Variants in CYP2F1 observed in about 807,000 individuals in gnomAD.
CYP2F1 encodes cytochrome P450 family 2 subfamily F member 1.
CYP2F1 carries 33 observed loss-of-function variants against 40.4 expected under a neutral mutation model. The ratio of observed to expected loss-of-function variants is 0.82; its 90% CI spans 0.62 to 1.09. The LOEUF (loss-of-function observed/expected upper bound fraction) is 1.09. Ranked by LOEUF, CYP2F1 falls within the 50% of genes least tolerant of loss-of-function variation. The pLI is 0.00. For missense variants in CYP2F1, 566 were observed against 655.7 expected (o/e 0.86, Z 1.49); for synonymous variants, 235 against 277.2 (o/e 0.85, Z 1.51).
rs1286978999 is a variant in CYP2F1 at position 41,120,504 on chromosome 19, A to AT, written c.484+16dup. The stretch of plus-strand genomic sequence containing the variant: ...AGCTGCGGAAAACTGAAGGTCAGGA[A>AT]TTTTTTTTAACAGGCTGGATGGCAC... On this transcript the variant is annotated intron_variant, in intron 4 of 9. Coordinates refer to ENST00000331105, the MANE Select transcript of CYP2F1 (RefSeq NM_000774.5). The AT allele has an allele frequency of 6.2e-6, 10 of 1,606,170 alleles. No homozygotes were observed. The highest frequency in any genetic ancestry group is 5.1e-5 in the Admixed American group (3 of 58,780).
chr19:41,125,579 T>A lies in CYP2F1; in HGVS notation c.1239T>A (p.Phe413Leu), dbSNP rs2032507162. 6.2e-7 allele frequency: 1 copy of A among 1,610,242 alleles called. No individual in the cohort carries two copies. The highest frequency in any genetic ancestry group is 1.7e-5 in the Admixed American group (1 of 59,686). Residue 413 changes from phenylalanine to leucine, a missense_variant, in exon 9 of 10, where the codon TTT becomes TTA. Physicochemically the swap from Phe to Leu is conservative, Grantham distance 22 (BLOSUM62 0). Transcript: ENST00000331105. ...LTPQEFNPEH[F>L]LDANQSFKKS... ...CCCAGGAGTTCAACCCCGAGCATTT[T>A]TTGGATGCCAATCAGTCCTTCAAGA...
At chr19:41,119,006 C>G (rs2031982578) in intron 3 of CYP2F1, among the ~76,000 whole-genome samples, 1 of 152,048 alleles carries the variant, frequency 6.6e-6, no homozygotes, top group Non-Finnish European at 1.5e-5. Context: ...TTGTGCCATC[C>G]CAGAGTGGTC....
At chr19:41,117,830 CTTTATTTATTTA>C (rs71896870) in intron 3 of CYP2F1, among the ~76,000 whole-genome samples, 12 of 149,666 alleles carry the variant, frequency 8.0e-5, no homozygotes, top group African/African-American at 2.0e-4. Flanking sequence ...GGTCTTCAAA[CTTTATTTATTTA>C]TTTATTTATT....
Position 41,121,625 on chromosome 19 carries a change from C to T in CYP2F1, c.645+7C>T, listed in dbSNP as rs2032209112. 5 of 1,607,382 alleles carry T rather than the reference C, an allele frequency of 3.1e-6. No homozygotes were observed. The East Asian group carries it at 1.1e-4, about 36-fold the overall frequency. Reference sequence around the variant, plus strand: ...GAGCAGCCCCTGGGGCGAGGTCAGCCAACTGAGTCCAGCAGGGGCAGGGTG... The same window carrying T: ...GAGCAGCCCCTGGGGCGAGGTCAGCTAACTGAGTCCAGCAGGGGCAGGGTG... On this transcript the variant is annotated splice_region_variant and intron_variant, in intron 5 of 9. Coordinates refer to ENST00000331105, the MANE Select transcript of CYP2F1 (RefSeq NM_000774.5).
chr19:41,125,502 G>A lies in CYP2F1; in HGVS notation c.1162G>A (p.Val388Ile), dbSNP rs1468912832. 6.6e-7 allele frequency: 1 copy of A among 1,523,052 alleles called. No homozygotes were observed. Among genetic ancestry groups the A allele is most frequent in the Admixed American group, 1.7e-5 (1 of 57,364 alleles). The allele number at this position is 1,523,052 out of a possible 1,614,324, so 94.3% of individuals were successfully genotyped here. A position where few individuals can be genotyped will look rare whatever the true frequency, so the allele number is the denominator to read the frequency against. Residue 388 changes from valine (V) to isoleucine (I), a missense_variant, in exon 9 of 10, where the codon GTC becomes ATC. By Grantham distance (29) the Val-to-Ile change is conservative. Around this residue, in one of 5 missense-constraint regions of CYP2F1, gnomAD observed 27 missense variants for 68.4 expected, o/e 0.39. Transcript: ENST00000331105. ...CTCCTCACCCACACAGGGCACCGAT[G>A]TCATCACCCTCCTTAACACCGTCCA... The part of the protein sequence containing the change: ...RGFLIPKGTD[V>I]ITLLNTVHYD...
chr19:41,123,561 G>T (rs576894638), intron 7 of CYP2F1, among the ~76,000 whole-genome samples: 58 of 151,118 alleles, frequency 3.8e-4, no homozygotes, highest in Admixed American at 9.9e-4. Context: ...TCACTCTGTC[G>T]CCCAGGCTGG....
intron 9 of CYP2F1, among the ~76,000 whole-genome samples, chr19:41,126,845 T>A (rs2032564160): frequency 6.6e-6 from 1 of 152,172 alleles, no homozygotes; most frequent in Non-Finnish European, 1.5e-5. Flanking sequence ...ATTGTTTACC[T>A]CTCCACTGGG....
At position 41,124,755 on chromosome 19, in the gene CYP2F1, G is replaced by C. The variant is rs1167127026; in HGVS notation, c.1001G>C (p.Arg334Pro). 1.2e-6 allele frequency: 2 copies of C among 1,605,888 alleles called. No homozygotes were observed. Among genetic ancestry groups the C allele is most frequent in the South Asian group, 2.2e-5 (2 of 90,894 alleles). ...GAGGAGATCGACCTCGTGGTGGGACGCGCGCGGCTGCCGGCGCTGAAGGAC... is the reference window on the plus strand; with the variant it reads ...GAGGAGATCGACCTCGTGGTGGGACCCGCGCGGCTGCCGGCGCTGAAGGAC... Reference protein sequence around the residue: ...VQEEIDLVVGRARLPALKDRA... With the variant: ...VQEEIDLVVGPARLPALKDRA... Residue 334 changes from arginine to proline, a missense_variant, in exon 8 of 10, where the codon CGC (arginine) becomes CCC (proline). Physicochemically the swap from Arg to Pro is moderately radical, Grantham distance 103 (BLOSUM62 -2). Around this residue, in one of 5 missense-constraint regions of CYP2F1, gnomAD observed 128 missense variants for 121.0 expected, o/e 1.06. Coordinates refer to ENST00000331105, the MANE Select transcript of CYP2F1 (RefSeq NM_000774.5).
At chr19:41,122,249 A>C (rs2032261911) in intron 6 of CYP2F1, 116 bp downstream of exon 6, 1 of 988,298 alleles carries the variant, frequency 1.0e-6, no homozygotes, top group Non-Finnish European at 1.5e-6. Flanking sequence ...CTCCCTGGAG[A>C]AGCTGAAGCA....
At position 41,120,327 on chromosome 19, in the gene CYP2F1, TC is replaced by T; in HGVS notation, c.335-16del. The T allele has an allele frequency of 6.4e-7, 1 of 1,573,658 alleles. No individual in the cohort carries two copies. ...CAGGATGAGTTCCCGGTTAAGCTGG[TC>T]CCCTCCTCTTCTCCCCAGGCATCGC... On this transcript the variant is annotated intron_variant, in intron 3 of 9. Coordinates refer to ENST00000331105, the MANE Select transcript of CYP2F1 (RefSeq NM_000774.5).
At chr19:41,123,040 G>A (rs765495577) in intron 7 of CYP2F1, 77 bp downstream of exon 7, 20 of 1,505,268 alleles carry the variant, frequency 1.3e-5, no homozygotes, top group African/African-American at 5.5e-5. Context: ...CCACGGCCCC[G>A]CCTCCCAGGT....
intron 7 of CYP2F1, among the ~76,000 whole-genome samples, chr19:41,123,957 A>C (rs2032379448): frequency 6.6e-6 from 1 of 151,872 alleles, no homozygotes; most frequent in Non-Finnish European, 1.5e-5. Flanking sequence ...AGCCTGGCCC[A>C]CACACACAGC....
chr19:41,116,580 T>C lies in CYP2F1; in HGVS notation c.297T>C (p.Gly99=). Reference sequence around the variant, plus strand: ...AGGGAGAGGAGTTTAGTGGCCGCGGTGACTACCCTGCCTTTTTCAACTTTA... The same window carrying C: ...AGGGAGAGGAGTTTAGTGGCCGCGGCGACTACCCTGCCTTTTTCAACTTTA... ...VDQGEEFSGR[G]DYPAFFNFTK... Residue 99 remains glycine, a synonymous_variant, in exon 3 of 10, where the codon GGT becomes GGC. Transcript: ENST00000331105. 2 of 1,613,982 alleles carry C rather than the reference T, an allele frequency of 1.2e-6. No homozygotes were observed. The highest frequency in any genetic ancestry group is 1.7e-6 in the Non-Finnish European group (2 of 1,179,962).
chr19:41,119,721 CTCTATA>C (rs1444686062), intron 3 of CYP2F1, among the ~76,000 whole-genome samples: 6 of 37,106 alleles, frequency 1.6e-4, no homozygotes, highest in African/African-American at 3.9e-4. Flanking sequence ...CTCTCTCTCT[CTCTATA>C]TATATATATA....
At position 41,128,034 on chromosome 19, in the gene CYP2F1, T is replaced by C; in HGVS notation, c.1428T>C (p.Gly476=). ...EDIDLTPLSS[G]LGNLPRPFQL... ...TCGACCTGACCCCACTCAGCTCAGG[T>C]CTTGGCAATTTGCCGCGGCCTTTCC... The change falls in exon 10 of 10, where the codon GGT becomes GGC. Residue 476 remains glycine, a synonymous_variant. Coordinates refer to ENST00000331105, the MANE Select transcript of CYP2F1 (RefSeq NM_000774.5). The C allele has an allele frequency of 6.2e-7, 1 of 1,611,918 alleles. No individual in the cohort carries two copies. The highest frequency in any genetic ancestry group is 8.5e-7 in the Non-Finnish European group (1 of 1,179,522).
At chr19:41,127,076 G>A (rs907694738) in intron 9 of CYP2F1, among the ~76,000 whole-genome samples, 13 of 152,280 alleles carry the variant, frequency 8.5e-5, no homozygotes, top group African/African-American at 3.1e-4. Context: ...GGGAATGTGT[G>A]GCCCAGATTC....
chr19:41,117,514 T>A (rs2031893085), intron 3 of CYP2F1, among the ~76,000 whole-genome samples: 1 of 152,026 alleles, frequency 6.6e-6, no homozygotes. Context: ...CAGTTCCCAG[T>A]TCTTGCTTTC....
At position 41,116,359 on chromosome 19, in the gene CYP2F1, G is replaced by A; in HGVS notation, c.171G>A (p.Lys57=). 1.2e-6 allele frequency: 2 copies of A among 1,613,900 alleles called. No homozygotes were observed. The highest frequency in any genetic ancestry group is 8.5e-7 in the Non-Finnish European group (1 of 1,179,910). Residue 57 remains lysine (K), a splice_region_variant and synonymous_variant, in exon 2 of 10, where the codon AAG becomes AAA. Coordinates refer to ENST00000331105, the MANE Select transcript of CYP2F1 (RefSeq NM_000774.5). The part of the protein sequence containing the change: ...CSQDMLTSLT[K]LSKEYGSMYT... ...AAGACATGCTGACTTCTCTCACTAA[G>A]GTGCAAGGCCCTTAGCTTGGGTGAT...
At position 41,121,603 on chromosome 19, in the gene CYP2F1, C is replaced by A. The variant is rs1167626218; in HGVS notation, c.630C>A (p.Ser210Arg). The part of the protein sequence containing the change: ...RLINDNFQIM[S>R]SPWGELYDIF... ...TCAATGACAACTTCCAAATCATGAG[C>A]AGCCCCTGGGGCGAGGTCAGCCAAC... is the stretch of plus-strand genomic sequence containing the variant. Residue 210 changes from serine to arginine, a missense_variant, in exon 5 of 10, where the codon AGC (serine) becomes AGA (arginine). Ser to Arg is a moderately radical substitution (Grantham distance 110). This residue lies in a region of CYP2F1 where 264 missense variants were observed against 275.7 expected (regional missense o/e 0.96). Coordinates refer to ENST00000331105, the MANE Select transcript of CYP2F1 (RefSeq NM_000774.5). The A allele has an allele frequency of 2.5e-6, 4 of 1,609,996 alleles. No individual in the cohort carries two copies. Among genetic ancestry groups the A allele is most frequent in the Non-Finnish European group, 3.4e-6 (4 of 1,179,684 alleles).
Sources: allele counts gnomAD v4.1 joint callset (sites outside exome capture counted in the v4.1 genomes callset), GRCh38; gene constraint gnomAD v4.1.1; regional missense constraint gnomAD v4.1.1; transcripts MANE v1.5; gene names NCBI Gene and HGNC (gene_info 2026-07-23, HGNC 2026-07-21).